The following RAD21L1 variants were observed in gnomAD, a reference collection of about 807,000 sequenced individuals.
RAD21L1 encodes the protein RAD21 cohesin complex component like 1, also known as double-strand-break repair protein rad21-like protein 1.
Under a neutral mutation model 69.0 loss-of-function variants are expected in RAD21L1, and 47 were observed. The observed-to-expected ratio is 0.68, with a 90% CI of 0.54 to 0.87. The LOEUF (loss-of-function observed/expected upper bound fraction) is 0.87. Ranked by LOEUF, RAD21L1 falls within the 40% of genes least tolerant of loss-of-function variation. The pLI is 0.00. For synonymous variants in RAD21L1, 177 were observed against 205.8 expected (o/e 0.86, Z 1.20); for missense variants, 583 against 647.6 (o/e 0.90, Z 1.08).
intron 12 of RAD21L1, 50 bp from the exon 13 acceptor site, chr20:1,248,576 C>A: frequency 9.4e-7 from 1 of 1,066,734 alleles, no homozygotes; most frequent in Non-Finnish European, 1.4e-6. Flanking sequence ...AAATAGTCAG[C>A]ATTTAGTAAA....
intron 2 of RAD21L1, 105 bp downstream of exon 2, chr20:1,228,702 C>A: frequency 1.2e-6 from 1 of 830,220 alleles, no homozygotes; most frequent in Non-Finnish European, 1.8e-6. Context: ...GGAAGTTTTA[C>A]TTGTCAAATG....
Position 1,254,580 on chromosome 20 carries a change from C to T in RAD21L1, c.*123C>T, listed in dbSNP as rs2087900114. The T allele has an allele frequency of 1.8e-6, 1 of 541,534 alleles. No homozygotes were observed. The highest frequency in any genetic ancestry group is 3.1e-6 in the Non-Finnish European group (1 of 324,448). 33.5% of individuals were successfully genotyped at this position (541,534 alleles called of 1,614,324 possible). On this transcript the variant is annotated 3_prime_UTR_variant, in exon 14 of 14. Transcript: ENST00000683101. The stretch of plus-strand genomic sequence containing the variant: ...TCCATTTCATAGATAGGCTGACCTA[C>T]TTCCTCTCTGTAGTTCAGAATAATC...
intron 13 of RAD21L1, among the ~76,000 whole-genome samples, chr20:1,253,313 T>C (rs2087872839): frequency 6.6e-6 from 1 of 152,196 alleles, no homozygotes; most frequent in African/African-American, 2.4e-5. Flanking sequence ...TTTTTTCTTT[T>C]TTTGTGACAG....
At chr20:1,243,420 T>C (rs1329734588) in intron 10 of RAD21L1, among the ~76,000 whole-genome samples, 1 of 152,178 alleles carries the variant, frequency 6.6e-6, no homozygotes, top group Non-Finnish European at 1.5e-5. Context: ...AGATGAAATA[T>C]ATATACTATG....
chr20:1,248,434 A>T lies in RAD21L1; in HGVS notation c.1402-192A>T, dbSNP rs113164989. ...AGAGACCCTGGAGAGTACAGGTGTAATTGTGCAAAGGTGGTTTATATTTGT... is the reference window on the plus strand; with the variant it reads ...AGAGACCCTGGAGAGTACAGGTGTATTTGTGCAAAGGTGGTTTATATTTGT... On this transcript the variant is annotated intron_variant, in intron 12 of 13. Transcript: ENST00000683101. Among the ~76,000 whole-genome samples the T allele has an allele frequency of 8.7e-3, 1,322 of 152,230 alleles. 25 individuals are homozygous for T. The highest frequency in any genetic ancestry group is 0.03 in the African/African-American group (1,235 of 41,538).
chr20:1,230,728 T>A, intron 3 of RAD21L1: 1 of 551,286 alleles, frequency 1.8e-6, no homozygotes, highest in Non-Finnish European at 2.3e-6. Context: ...TTTAATCTTC[T>A]TCATTTAAAA....
chr20:1,251,125 A>G (rs760574760), intron 13 of RAD21L1, among the ~76,000 whole-genome samples: 1 of 152,208 alleles, frequency 6.6e-6, no homozygotes, highest in Non-Finnish European at 1.5e-5. Flanking sequence ...CCTCCATACC[A>G]GCGTGAGCGT....
At chr20:1,238,282 TTTA>T in intron 6 of RAD21L1, 68 bp downstream of exon 6, 1 of 1,070,254 alleles carries the variant, frequency 9.3e-7, no homozygotes, top group Non-Finnish European at 1.3e-6. Flanking sequence ...TATTAGTAGA[TTTA>T]TTATATCAAT....
At chr20:1,234,728 TGGG>T (rs1471322926) in intron 5 of RAD21L1, among the ~76,000 whole-genome samples, 1 of 152,206 alleles carries the variant, frequency 6.6e-6, no homozygotes, top group African/African-American at 2.4e-5. Context: ...AACTCTTGTT[TGGG>T]CAAGGCGATT....
intron 12 of RAD21L1, among the ~76,000 whole-genome samples, chr20:1,247,857 T>C (rs1359149896): frequency 2.6e-5 from 4 of 152,014 alleles, no homozygotes; most frequent in South Asian, 4.1e-4. Context: ...GGAAAAATTA[T>C]GAAGTAGGCC....
intron 2 of RAD21L1, 120 bp downstream of exon 2, chr20:1,228,717 T>C (rs765415341): frequency 1.4e-4 from 99 of 701,498 alleles, no homozygotes; most frequent in Non-Finnish European, 2.2e-4. Context: ...CAAATGGTCT[T>C]TCCTTTAATT....
At chr20:1,250,469 G>C (rs1278105904) in intron 13 of RAD21L1, among the ~76,000 whole-genome samples, 1 of 150,052 alleles carries the variant, frequency 6.7e-6, no homozygotes, top group Non-Finnish European at 1.5e-5. Flanking sequence ...TTGGTTTTTT[G>C]TCCTTGTGAT....
In RAD21L1 at chr20:1,239,475, T is replaced by C. The variant is rs1311982725; in HGVS notation, c.742+68T>C. 9 of 806,072 alleles carry C rather than the reference T, an allele frequency of 1.1e-5. No homozygotes were observed. In the South Asian group the frequency reaches 1.2e-4, roughly 11 times the overall value. 49.9% of individuals were successfully genotyped at this position (806,072 alleles called of 1,614,324 possible). A position where few individuals can be genotyped will look rare whatever the true frequency, so the allele number is the denominator to read the frequency against. On this transcript the variant is annotated intron_variant, in intron 7 of 13. Coordinates refer to ENST00000683101, the MANE Select transcript of RAD21L1 (RefSeq NM_001384355.1). ...ATGTTTAAGCCTCAGAACTTCTGAA[T>C]TTAAGTAGCAATATAGTATAGTGAA...
intron 4 of RAD21L1, among the ~76,000 whole-genome samples, chr20:1,231,973 CGAAT>C (rs2087399975): frequency 6.6e-6 from 1 of 151,774 alleles, no homozygotes; most frequent in Non-Finnish European, 1.5e-5. Context: ...AATAAATAAA[CGAAT>C]AAATATATGT....
intron 4 of RAD21L1, among the ~76,000 whole-genome samples, chr20:1,233,694 T>C (rs190557258): frequency 2.0e-5 from 3 of 152,280 alleles, no homozygotes; most frequent in East Asian, 3.9e-4. Context: ...GGGCCTCTTT[T>C]ATAAAGGCAC....
chr20:1,250,042 T>TCGCC (rs1427670286), intron 13 of RAD21L1, among the ~76,000 whole-genome samples: 3 of 140,182 alleles, frequency 2.1e-5, no homozygotes, highest in Admixed American at 7.3e-5. Flanking sequence ...TGTGTGTTGT[T>TCGCC]CGCCTTCTTG....
rs544668075 is a variant in RAD21L1, at chr20:1,246,062, T to C, written c.1309-151T>C. ...TAAGTCAAAGACTGCCTATCTGGGGTATTTCAGAGATAATATTTTGAGAAT... is the reference window on the plus strand; with the variant it reads ...TAAGTCAAAGACTGCCTATCTGGGGCATTTCAGAGATAATATTTTGAGAAT... On this transcript the variant is annotated intron_variant, in intron 11 of 13. Coordinates refer to ENST00000683101, the MANE Select transcript of RAD21L1 (RefSeq NM_001384355.1). This position sits in a 1 kb window ranked among gnomAD's most constrained non-coding sequence, Gnocchi z 4.6. The C allele has an allele frequency of 4.3e-6, 2 of 460,212 alleles. No homozygotes were observed. Among genetic ancestry groups the C allele is most frequent in the East Asian group, 3.6e-5 (1 of 27,968 alleles). The allele number at this position is 460,212 out of a possible 1,614,324, so 28.5% of individuals were successfully genotyped here. A position where few individuals can be genotyped will look rare whatever the true frequency, so the allele number is the denominator to read the frequency against.
Position 1,226,073 on chromosome 20 carries a change from C to CGACGCGGACCCGA in RAD21L1, c.-100_-99insGACGCGGACCCGA, listed in dbSNP as rs112121489. On this transcript the variant is annotated 5_prime_UTR_variant, in exon 1 of 14. Coordinates refer to ENST00000683101, the MANE Select transcript of RAD21L1 (RefSeq NM_001384355.1). ...ACGCCCAGCGGCGCCAAGAACCCGG[C>CGACGCGGACCCGA]CAAGCTGACTTGGCGACTCCTCGCA... is the stretch of plus-strand genomic sequence containing the variant. 7.3e-6 allele frequency: 1 copy of CGACGCGGACCCGA among 137,038 alleles called. No homozygotes were observed. The highest frequency in any genetic ancestry group is 1.5e-5 in the Non-Finnish European group (1 of 64,686). 8.5% of individuals were successfully genotyped at this position (137,038 alleles called of 1,614,324 possible).
In RAD21L1 at chr20:1,238,231, T is replaced by G. The variant is rs764213643; in HGVS notation, c.646+17T>G. ...AAATGATTGGTATGCTATCTGGTCA[T>G]GTGGAAATAAAATATTTATTTTCAT... is the stretch of plus-strand genomic sequence containing the variant. On this transcript the variant is annotated intron_variant, in intron 6 of 13. Coordinates refer to ENST00000683101, the MANE Select transcript of RAD21L1 (RefSeq NM_001384355.1). 40 of 1,418,710 alleles carry G rather than the reference T, an allele frequency of 2.8e-5. No individual in the cohort carries two copies. In the African/African-American group the frequency reaches 3.0e-4, roughly 11 times the overall value. 87.9% of individuals were successfully genotyped at this position (1,418,710 alleles called of 1,614,324 possible). A position where few individuals can be genotyped will look rare whatever the true frequency, so the allele number is the denominator to read the frequency against.
Sources: gnomAD v4.1 joint callset for allele counts (sites outside exome capture counted in the v4.1 genomes callset) on GRCh38, gnomAD v4.1.1 for gene constraint, Gnocchi (gnomAD v3.1) non-coding constraint, MANE v1.5 for transcripts, NCBI Gene and HGNC (gene_info 2026-07-23, HGNC 2026-07-21) for gene names.